Variants in RIMS2 observed in about 807,000 individuals in gnomAD.
The protein encoded by RIMS2 is regulating synaptic membrane exocytosis protein 2.
Under a neutral mutation model 174.4 loss-of-function variants are expected in RIMS2, and 59 were observed. The observed-to-expected ratio is 0.34, with a 90% CI of 0.27 to 0.42. RIMS2 has a LOEUF of 0.42. Ranked by LOEUF, RIMS2 falls within the 10% of genes least tolerant of loss-of-function variation. RIMS2 has a pLI of 1.00. For synonymous variants in RIMS2, 606 were observed against 572.5 expected (o/e 1.06, Z -0.84); for missense variants, 1,620 against 1,666.3 (o/e 0.97, Z 0.48).
intron 19 of RIMS2, among the ~76,000 whole-genome samples, 170 bp from the exon 22 acceptor site, chr8:104,041,156 G>A (rs954111037): frequency 2.0e-5 from 3 of 151,534 alleles, no homozygotes; most frequent in Admixed American, 1.3e-4. Flanking sequence ...CAGTTCTTAC[G>A]TATTTTTTGT....
At chr8:103,681,605 A>T (rs1003795101) in intron 1 of RIMS2, among the ~76,000 whole-genome samples, 1 of 152,096 alleles carries the variant, frequency 6.6e-6, no homozygotes, top group Admixed American at 6.6e-5. Flanking sequence ...AATATAGTCT[A>T]TAATGGGATG....
chr8:103,706,190 A>G (rs906802350), intron 2 of RIMS2, among the ~76,000 whole-genome samples: 2 of 152,180 alleles, frequency 1.3e-5, no homozygotes, highest in Non-Finnish European at 2.9e-5. Flanking sequence ...CAAGCAAGCA[A>G]AGTGAAAACT....
At chr8:103,950,082 A>G (rs1362715457) in intron 14 of RIMS2, among the ~76,000 whole-genome samples, 2 of 152,176 alleles carry the variant, frequency 1.3e-5, no homozygotes, top group Non-Finnish European at 2.9e-5. Context: ...AGAAGAAAGA[A>G]ATAACTTGAG....
intron 11 of RIMS2, among the ~76,000 whole-genome samples, chr8:103,928,952 C>T (rs530047823): frequency 4.4e-4 from 67 of 151,334 alleles, no homozygotes; most frequent in African/African-American, 1.5e-3. Flanking sequence ...AAGTGATGTA[C>T]CTAATAAAAT....
chr8:104,208,215 T>A (rs1446008856), intron 19 of RIMS2, among the ~76,000 whole-genome samples: 1 of 152,228 alleles, frequency 6.6e-6, no homozygotes, highest in Non-Finnish European at 1.5e-5. Context: ...AGGAATTGAC[T>A]GACCTTTAAG....
At chr8:103,916,238 A>G (rs1292527407) in intron 7 of RIMS2, among the ~76,000 whole-genome samples, 176 bp from the exon 11 acceptor site, 1 of 152,070 alleles carries the variant, frequency 6.6e-6, no homozygotes, top group African/African-American at 2.4e-5. Flanking sequence ...TGTGAAATAT[A>G]CTAATCAACA....
intron 1 of RIMS2, among the ~76,000 whole-genome samples, chr8:103,502,900 TTAAG>T (rs555401261): frequency 1.1e-3 from 168 of 152,134 alleles, no homozygotes; most frequent in Middle Eastern, 3.4e-3. Flanking sequence ...TAAGTGGACT[TTAAG>T]TATTAGGATT....
intron 3 of RIMS2, among the ~76,000 whole-genome samples, chr8:103,838,996 T>A (rs1002297832): frequency 5.9e-5 from 9 of 151,610 alleles, no homozygotes; most frequent in Non-Finnish European, 1.3e-4. Flanking sequence ...ACCCGGGAGG[T>A]GGAGCTTGCA....
In RIMS2 at chr8:103,975,338, T is replaced by G. The variant is rs2093325671; in HGVS notation, c.2771-12T>G. 1 of 1,598,760 alleles carries G rather than the reference T, an allele frequency of 6.3e-7. No individual in the cohort carries two copies. Among genetic ancestry groups the G allele is most frequent in the African/African-American group, 1.3e-5 (1 of 74,472 alleles). ...TACATAACTATAATATTTATTAATTTTCTACCTTTAGATTATCGACATGAT... is the reference window on the plus strand; with the variant it reads ...TACATAACTATAATATTTATTAATTGTCTACCTTTAGATTATCGACATGAT... On this transcript the variant is annotated splice_polypyrimidine_tract_variant and intron_variant, in intron 15 of 23. Coordinates refer to ENST00000504942, the Ensembl canonical transcript of RIMS2.
intron 4 of RIMS2, among the ~76,000 whole-genome samples, chr8:103,907,674 T>C (rs1286284868): frequency 1.3e-5 from 2 of 152,056 alleles, no homozygotes; most frequent in African/African-American, 4.8e-5. Flanking sequence ...TGTCTATATG[T>C]TAATTATTGC....
At chr8:103,923,172 T>C (rs1267562755) in intron 10 of RIMS2, among the ~76,000 whole-genome samples, 1 of 151,960 alleles carries the variant, frequency 6.6e-6, no homozygotes. Context: ...AAAATGCTAA[T>C]AAATGTTGTT....
rs2099160172 is a variant in RIMS2, at chr8:104,222,510, CT to C, written c.3335-22404del. Among the ~76,000 whole-genome samples, 3 of 152,284 alleles carry C rather than the reference CT, an allele frequency of 2.0e-5. No homozygotes were observed. In the South Asian group the frequency reaches 6.2e-4, roughly 32 times the overall value. On this transcript the variant is annotated intron_variant, in intron 19 of 23. Transcript: ENST00000504942. ...GGGTTAGGACTGAATAGTACCCTAC[CT>C]TCCCACTTCCCTAGATTGGGAAACA...
At chr8:103,538,299 G>T (rs1318736252) in intron 1 of RIMS2, among the ~76,000 whole-genome samples, 1 of 152,028 alleles carries the variant, frequency 6.6e-6, no homozygotes, top group Non-Finnish European at 1.5e-5. Context: ...AATTATAACA[G>T]ATTTCCTTAT....
intron 17 of RIMS2, among the ~76,000 whole-genome samples, chr8:104,008,284 T>A (rs2095653403): frequency 6.6e-6 from 1 of 152,032 alleles, no homozygotes; most frequent in Non-Finnish European, 1.5e-5. Flanking sequence ...ATTTTACAGG[T>A]AACATGTCAT....
chr8:103,792,208 T>G (rs945631625), intron 3 of RIMS2, among the ~76,000 whole-genome samples: 1 of 152,048 alleles, frequency 6.6e-6, no homozygotes, highest in Non-Finnish European at 1.5e-5. Context: ...CAACAGAAAT[T>G]ATAACAAACT....
intron 19 of RIMS2, among the ~76,000 whole-genome samples, chr8:104,163,595 A>G (rs2098778058): frequency 6.6e-6 from 1 of 152,206 alleles, no homozygotes. Flanking sequence ...TGTGCATACA[A>G]TGAGGAAGAG....
At chr8:103,636,292 T>C (rs2096071827) in intron 1 of RIMS2, among the ~76,000 whole-genome samples, 1 of 152,110 alleles carries the variant, frequency 6.6e-6, no homozygotes, top group South Asian at 2.1e-4. Context: ...TGCACAGAAG[T>C]CTAACCTCCC....
chr8:104,237,473 G>A (rs1401083628), intron 19 of RIMS2, among the ~76,000 whole-genome samples: 1 of 152,020 alleles, frequency 6.6e-6, no homozygotes, highest in Non-Finnish European at 1.5e-5. Flanking sequence ...GAAGTTACAT[G>A]GGTTAGTTTT....
At chr8:103,602,066 A>T (rs1010661453) in intron 1 of RIMS2, among the ~76,000 whole-genome samples, 2 of 152,030 alleles carry the variant, frequency 1.3e-5, no homozygotes, top group Admixed American at 1.3e-4. Context: ...GCTCACTGCC[A>T]CCTCTGCCTC....
Sources: allele counts gnomAD v4.1 joint callset (sites outside exome capture counted in the v4.1 genomes callset), GRCh38; gene constraint gnomAD v4.1.1; transcripts MANE v1.5; gene names NCBI Gene and HGNC (gene_info 2026-07-23, HGNC 2026-07-21).